Variants in ITSN1 observed in about 807,000 individuals in gnomAD.
ITSN1 encodes the protein intersectin-1.
ITSN1 carries 58 observed loss-of-function variants against 239.8 expected under a neutral mutation model. The ratio of observed to expected loss-of-function variants is 0.24; its 90% CI spans 0.20 to 0.30. The LOEUF (loss-of-function observed/expected upper bound fraction) is 0.30. Ranked by LOEUF, ITSN1 falls within the 10% of genes least tolerant of loss-of-function variation. ITSN1 has a pLI of 1.00. For missense variants in ITSN1, 1,558 were observed against 2,103.3 expected (o/e 0.74, Z 5.07); for synonymous variants, 780 against 770.8 (o/e 1.01, Z -0.20).
chr21:33,859,947 G>A (rs1055041979), intron 31 of ITSN1, among the ~76,000 whole-genome samples: 1 of 152,154 alleles, frequency 6.6e-6, no homozygotes, highest in Non-Finnish European at 1.5e-5. Context: ...GCTCACATCC[G>A]CTATTGCCTC....
At chr21:33,680,457 G>T (rs562340613) in intron 1 of ITSN1, among the ~76,000 whole-genome samples, 2 of 151,190 alleles carry the variant, frequency 1.3e-5, no homozygotes, top group African/African-American at 4.9e-5. Flanking sequence ...TCAGCCTCTC[G>T]AGTAGCTGGC....
intron 1 of ITSN1, among the ~76,000 whole-genome samples, chr21:33,675,777 A>G (rs1422251378): frequency 1.3e-5 from 2 of 152,058 alleles, no homozygotes; most frequent in Admixed American, 6.5e-5. Flanking sequence ...ACTTTTCTTC[A>G]TGTGTCAGTT....
intron 4 of ITSN1, among the ~76,000 whole-genome samples, chr21:33,730,653 G>A (rs745391390): frequency 6.6e-6 from 1 of 151,248 alleles, no homozygotes; most frequent in Non-Finnish European, 1.5e-5. Context: ...ACCCTTCTCG[G>A]CCTCCCAAAG....
chr21:33,851,959 A>AT (rs1212857704), intron 29 of ITSN1, among the ~76,000 whole-genome samples: 4 of 148,208 alleles, frequency 2.7e-5, no homozygotes, highest in African/African-American at 7.5e-5. Context: ...AATTTTTTAA[A>AT]TTTTTTGTAG....
intron 31 of ITSN1, among the ~76,000 whole-genome samples, chr21:33,862,948 G>A (rs1420634477): frequency 1.3e-5 from 2 of 152,138 alleles, no homozygotes; most frequent in African/African-American, 2.4e-5. Flanking sequence ...ATCATTGAGC[G>A]CTCTTTGAAA....
rs1273294608 is a variant in ITSN1 at position 33,722,592 on chromosome 21, T to G, written c.126T>G (p.Asp42Glu). Residue 42 changes from aspartate (D) to glutamate (E), a missense_variant, in exon 4 of 40, where the codon GAT (aspartate) becomes GAG (glutamate). Transcript: ENST00000381318. ...CTTTTTCTGTTTAATTTACAGGTGA[T>G]CAAGCTAGAAACTTTTTTTTTCAAT... is the stretch of plus-strand genomic sequence containing the variant. ...LKPISGFITG[D>E]QARNFFFQSG... 1 of 1,572,430 alleles carries G rather than the reference T, an allele frequency of 6.4e-7. No homozygotes were observed. The highest frequency in any genetic ancestry group is 2.0e-5 in the Admixed American group (1 of 49,858).
Position 33,865,165 on chromosome 21 carries a change from G to A in ITSN1, c.3905G>A (p.Arg1302His). The change falls in exon 32 of 40, where the codon CGC becomes CAC. Residue 1302 changes from arginine to histidine, a missense_variant. By Grantham distance (29) the Arg-to-His change is conservative. This residue lies in a region of ITSN1 where 576 missense variants were observed against 893.3 expected (regional missense o/e 0.64). Coordinates refer to ENST00000381318, the MANE Select transcript of ITSN1 (RefSeq NM_003024.3). The surrounding 1 kb of genome is among the most constrained non-coding windows in gnomAD (Gnocchi z 4.4). Reference sequence around the variant, plus strand: ...TTTCCGTGCAGAGCGCTGAGAGTCCGCAAGAAGATGTCCGGGGAGAAGATG... The same window carrying A: ...TTTCCGTGCAGAGCGCTGAGAGTCCACAAGAAGATGTCCGGGGAGAAGATG... ...NIKLLKALRV[R>H]KKMSGEKMPV... The A allele has an allele frequency of 6.2e-7, 1 of 1,613,470 alleles. No homozygotes were observed. The highest frequency in any genetic ancestry group is 1.1e-5 in the South Asian group (1 of 90,936).
Position 33,865,344 on chromosome 21 carries a change from C to A in ITSN1, c.4074+10C>A. 1 of 1,531,876 alleles carries A rather than the reference C, an allele frequency of 6.5e-7. No homozygotes were observed. Among genetic ancestry groups the A allele is most frequent in the Non-Finnish European group, 8.8e-7 (1 of 1,136,234 alleles). The allele number at this position is 1,531,876 out of a possible 1,614,324, so 94.9% of individuals were successfully genotyped here. A position where few individuals can be genotyped will look rare whatever the true frequency, so the allele number is the denominator to read the frequency against. On this transcript the variant is annotated intron_variant, in intron 32 of 39. Coordinates refer to ENST00000381318, the MANE Select transcript of ITSN1 (RefSeq NM_003024.3). This position sits in a 1 kb window ranked among gnomAD's most constrained non-coding sequence, Gnocchi z 4.4. The stretch of plus-strand genomic sequence containing the variant: ...CAAGGAGTTCGTCAAAGTAAGGAGC[C>A]AGGCTGTGCAGAGACTGGGCCCCAG...
At chr21:33,762,954 C>A (rs2068457687) in intron 9 of ITSN1, among the ~76,000 whole-genome samples, 1 of 152,058 alleles carries the variant, frequency 6.6e-6, no homozygotes, top group Admixed American at 6.6e-5. Flanking sequence ...GTGAGCACTG[C>A]GCCTGACCGA....
intron 1 of ITSN1, among the ~76,000 whole-genome samples, chr21:33,705,630 G>A (rs1449956190): frequency 6.6e-6 from 1 of 151,990 alleles, no homozygotes; most frequent in Non-Finnish European, 1.5e-5. Flanking sequence ...CTGACCTCAT[G>A]ATCCGCCCGC....
At chr21:33,729,942 AGTAGATTTCAAGATTACTTTGTAGTTCCT>A (rs1442466936) in intron 4 of ITSN1, among the ~76,000 whole-genome samples, 1 of 152,206 alleles carries the variant, frequency 6.6e-6, no homozygotes, top group Admixed American at 6.5e-5. Context: ...TTCCTTTCAC[AGTAGATTTCAAGATTACTTTGTAGTTCCT>A]TTTGTTTTTA....
intron 10 of ITSN1, among the ~76,000 whole-genome samples, chr21:33,766,220 G>A (rs1300324574): frequency 1.3e-5 from 2 of 152,134 alleles, no homozygotes; most frequent in Admixed American, 6.5e-5. Flanking sequence ...AAACAATGAA[G>A]TAAAACATCA....
intron 14 of ITSN1, among the ~76,000 whole-genome samples, chr21:33,777,197 A>C (rs1196400585): frequency 1.3e-5 from 2 of 152,218 alleles, no homozygotes; most frequent in Non-Finnish European, 2.9e-5. Flanking sequence ...ACTGATACAC[A>C]GTTGTTATAG....
intron 33 of ITSN1, among the ~76,000 whole-genome samples, chr21:33,872,778 T>C (rs7275861): frequency 0.47 from 70,949 of 152,092 alleles, 16,992 homozygotes; most frequent in East Asian, 0.53. Flanking sequence ...GTGATCATCC[T>C]GCTTCGGCCT....
intron 27 of ITSN1, among the ~76,000 whole-genome samples, chr21:33,831,554 C>T (rs1292330801): frequency 6.6e-6 from 1 of 152,048 alleles, no homozygotes; most frequent in Non-Finnish European, 1.5e-5. Context: ...GGACTAGCCA[C>T]GGAAGACAGA....
intron 1 of ITSN1, among the ~76,000 whole-genome samples, chr21:33,673,388 A>G (rs1484625136): frequency 6.6e-6 from 1 of 151,412 alleles, no homozygotes; most frequent in Non-Finnish European, 1.5e-5. Context: ...GGTACTCTTA[A>G]CACACACACG....
At chr21:33,843,915 G>A (rs1031196928) in intron 29 of ITSN1, among the ~76,000 whole-genome samples, 3 of 152,192 alleles carry the variant, frequency 2.0e-5, no homozygotes, top group Non-Finnish European at 4.4e-5. Flanking sequence ...GTTTTTATTG[G>A]AGAGAAAAGG....
chr21:33,866,259 A>T (rs1981558041), intron 32 of ITSN1, among the ~76,000 whole-genome samples: 1 of 152,156 alleles, frequency 6.6e-6, no homozygotes, highest in Admixed American at 6.5e-5. Flanking sequence ...CAGCCAAGGC[A>T]TGGGGCACTC....
chr21:33,683,734 T>C (rs2146553777), intron 1 of ITSN1, among the ~76,000 whole-genome samples: 1 of 152,370 alleles, frequency 6.6e-6, no homozygotes, highest in Admixed American at 6.5e-5. Context: ...CTCCTTTAAA[T>C]AACTCCTGTG....
Sources: gnomAD v4.1 joint callset for allele counts (sites outside exome capture counted in the v4.1 genomes callset) on GRCh38, gnomAD v4.1.1 for gene constraint, gnomAD v4.1.1 regional missense constraint, Gnocchi (gnomAD v3.1) non-coding constraint, MANE v1.5 for transcripts, NCBI Gene and HGNC (gene_info 2026-07-23, HGNC 2026-07-21) for gene names.